The following CMTR1 variants were observed in gnomAD, a reference collection of about 807,000 sequenced individuals.
The protein encoded by CMTR1 is cap-specific mRNA (nucleoside-2'-O-)-methyltransferase 1.
In CMTR1, 39 loss-of-function variants were observed where a neutral mutation model predicts 107.0. The observed-to-expected ratio is 0.36, with a 90% confidence interval of 0.28 to 0.48. The LOEUF (loss-of-function observed/expected upper bound fraction) is 0.48, where lower values mean the gene tolerates loss of function less well. Among genes scored for constraint, CMTR1 ranks in the 20% least tolerant of loss-of-function variants. The pLI is 0.99. For missense variants in CMTR1, 672 were observed against 1,064.9 expected (o/e 0.63, Z 5.14); for synonymous variants, 366 against 379.5 (o/e 0.96, Z 0.41).
chr6:37,453,949 C>T (rs1761236830), intron 8 of CMTR1, among the ~76,000 whole-genome samples: 2 of 152,160 alleles, frequency 1.3e-5, no homozygotes, highest in African/African-American at 4.8e-5. Flanking sequence ...TCCTTCTCTG[C>T]CTCTCTGAAC....
At position 37,469,279 on chromosome 6, in the gene CMTR1, G is replaced by A. The variant is rs185274002; in HGVS notation, c.1506-1742G>A. 1.2e-4 allele frequency among the ~76,000 whole-genome samples: 18 copies of A among 152,028 alleles called. No individual in the cohort carries two copies. The East Asian group carries it at 2.9e-3, about 24-fold the overall frequency. ...GATTCCATGGTTCTCTGCTTCCCTT[G>A]TTTCTGATGAAAAGTCAGCCATTAT... On this transcript the variant is annotated intron_variant, in intron 13 of 23. Coordinates refer to ENST00000373451, the MANE Select transcript of CMTR1 (RefSeq NM_015050.3).
chr6:37,455,880 G>A (rs932062948), intron 8 of CMTR1, among the ~76,000 whole-genome samples: 21 of 152,182 alleles, frequency 1.4e-4, no homozygotes, highest in African/African-American at 4.8e-4. Flanking sequence ...AGAAATACCT[G>A]TATCAGTCCC....
chr6:37,437,516 C>CAA (rs35749564), intron 2 of CMTR1, among the ~76,000 whole-genome samples: 1,870 of 118,090 alleles, frequency 0.016, 62 homozygotes, highest in African/African-American at 0.04. Context: ...GAGTCCGTCT[C>CAA]AAAAAAAAAA....
At chr6:37,433,475 T>C (rs1162492044) in intron 1 of CMTR1, 98 bp downstream of exon 1, 8 of 152,260 alleles carry the variant, frequency 5.3e-5, no homozygotes, top group African/African-American at 1.7e-4. Flanking sequence ...CCGCCCGCGG[T>C]TATGGGTCTC....
chr6:37,467,928 G>T (rs1321234570), intron 13 of CMTR1, among the ~76,000 whole-genome samples: 1 of 151,900 alleles, frequency 6.6e-6, no homozygotes, highest in Non-Finnish European at 1.5e-5. Flanking sequence ...TTTAATTGGG[G>T]TGATTGGTGC....
chr6:37,480,904 C>T lies in CMTR1; in HGVS notation c.*759C>T, dbSNP rs1343612679. On this transcript the variant is annotated 3_prime_UTR_variant, in exon 24 of 24. Coordinates refer to ENST00000373451, the MANE Select transcript of CMTR1 (RefSeq NM_015050.3). ...CCCTTTTGGTCCAAACATTGGGCAG[C>T]GCTAGATGGCAGGAAGCAGCCTTGA... The T allele has an allele frequency of 2.9e-5, 35 of 1,212,602 alleles. No homozygotes were observed. Among genetic ancestry groups the T allele is most frequent in the East Asian group, 1.1e-4 (2 of 17,558 alleles). 75.1% of individuals were successfully genotyped at this position (1,212,602 alleles called of 1,614,324 possible). A position where few individuals can be genotyped will look rare whatever the true frequency, so the allele number is the denominator to read the frequency against.
In CMTR1 at chr6:37,450,238, C is replaced by T. The variant is rs977213976; in HGVS notation, c.445-13C>T. On this transcript the variant is annotated splice_polypyrimidine_tract_variant and intron_variant, in intron 4 of 23. Transcript: ENST00000373451. ...TGTCATATCTGTCTTACTAGCCTCT[C>T]TTTTGTTTGCAGCCCAGTGCTTGTG... 123 of 1,611,910 alleles carry T rather than the reference C, an allele frequency of 7.6e-5. No homozygotes were observed. Among genetic ancestry groups the T allele is most frequent in the Non-Finnish European group, 1.0e-4 (119 of 1,178,216 alleles).
chr6:37,442,817 G>T (rs928822094), intron 2 of CMTR1, among the ~76,000 whole-genome samples: 8 of 152,130 alleles, frequency 5.3e-5, no homozygotes, highest in Admixed American at 1.3e-4. Flanking sequence ...ACCACCTCGG[G>T]TCTATTAAAA....
At chr6:37,450,384 T>A (rs374094796) in intron 5 of CMTR1, 41 bp downstream of exon 5, 22 of 1,469,198 alleles carry the variant, frequency 1.5e-5, no homozygotes, top group Non-Finnish European at 1.5e-5. Flanking sequence ...CTTGGCATTC[T>A]CTTGACTTTT....
intron 6 of CMTR1, among the ~76,000 whole-genome samples, chr6:37,452,677 T>C (rs1761205862): frequency 6.6e-6 from 1 of 152,186 alleles, no homozygotes; most frequent in African/African-American, 2.4e-5. Context: ...AAGTGAGGTC[T>C]AGTCAGGTAA....
At position 37,458,833 on chromosome 6, in the gene CMTR1, T is replaced by C; in HGVS notation, c.976+23T>C. ...ATGGTAGGGACATTGAGGAGGGTAC[T>C]AGGAGGTATGAGGGACAGCCCCTCT... is the stretch of plus-strand genomic sequence containing the variant. On this transcript the variant is annotated intron_variant, in intron 9 of 23. Coordinates refer to ENST00000373451, the MANE Select transcript of CMTR1 (RefSeq NM_015050.3). This position sits in a 1 kb window ranked among gnomAD's most constrained non-coding sequence, Gnocchi z 4.7. 1 of 1,610,428 alleles carries C rather than the reference T, an allele frequency of 6.2e-7. No homozygotes were observed. Among genetic ancestry groups the C allele is most frequent in the Non-Finnish European group, 8.5e-7 (1 of 1,177,472 alleles).
Position 37,472,300 on chromosome 6 carries a change from T to G in CMTR1, c.1621-119T>G. The G allele has an allele frequency of 2.3e-6, 2 of 871,396 alleles. No individual in the cohort carries two copies. The highest frequency in any genetic ancestry group is 3.9e-6 in the Non-Finnish European group (2 of 519,266). The allele number at this position is 871,396 out of a possible 1,614,324, so 54.0% of individuals were successfully genotyped here. Reference sequence around the variant, plus strand: ...TCCATCCCTGTCAGCCTAGCCTCCTTTGTTGTGTGCCATTCCTCCTCCCCA... The same window carrying G: ...TCCATCCCTGTCAGCCTAGCCTCCTGTGTTGTGTGCCATTCCTCCTCCCCA... On this transcript the variant is annotated intron_variant, in intron 15 of 23. Transcript: ENST00000373451. This position sits in a 1 kb window ranked among gnomAD's most constrained non-coding sequence, Gnocchi z 4.1.
intron 8 of CMTR1, among the ~76,000 whole-genome samples, chr6:37,455,639 GT>G (rs368304537): frequency 5.9e-5 from 9 of 152,206 alleles, no homozygotes; most frequent in African/African-American, 2.2e-4. Flanking sequence ...AGATCTCTAA[GT>G]TTCAGTCCTA....
chr6:37,456,097 G>A (rs9470595), intron 8 of CMTR1, among the ~76,000 whole-genome samples: 1 of 152,106 alleles, frequency 6.6e-6, no homozygotes, highest in Non-Finnish European at 1.5e-5. Flanking sequence ...TGTTCGCATC[G>A]ATCATTCCGC....
intron 13 of CMTR1, among the ~76,000 whole-genome samples, chr6:37,470,549 G>T (rs1761603485): frequency 1.3e-5 from 2 of 152,154 alleles, no homozygotes; most frequent in African/African-American, 4.8e-5. Flanking sequence ...GTCTTGTTCT[G>T]TTGGCCTGTT....
At chr6:37,430,084 A>T (rs886076184), upstream of CMTR1, among the ~76,000 whole-genome samples, 1 of 152,210 alleles carries the variant, frequency 6.6e-6, no homozygotes, top group African/African-American at 2.4e-5. Context: ...CTATATTCGC[A>T]TTGTTGTGCA....
At chr6:37,468,406 A>G (rs1334094890) in intron 13 of CMTR1, among the ~76,000 whole-genome samples, 1 of 152,186 alleles carries the variant, frequency 6.6e-6, no homozygotes, top group Non-Finnish European at 1.5e-5. Context: ...GCACATATAT[A>G]TCTAATTTTT....
intron 8 of CMTR1, among the ~76,000 whole-genome samples, chr6:37,457,619 GGT>G (rs2113877393): frequency 6.6e-6 from 1 of 152,288 alleles, no homozygotes; most frequent in East Asian, 1.9e-4. Flanking sequence ...CATGGTGTAA[GGT>G]GTTAACAAAA....
intron 2 of CMTR1, among the ~76,000 whole-genome samples, chr6:37,440,331 T>G (rs1771643084): frequency 6.6e-6 from 1 of 152,230 alleles, no homozygotes; most frequent in Middle Eastern, 3.2e-3. Flanking sequence ...GTTTAGTTCC[T>G]GCTGCAGCCG....
Sources: allele counts gnomAD v4.1 joint callset (sites outside exome capture counted in the v4.1 genomes callset), GRCh38; gene constraint gnomAD v4.1.1; non-coding constraint Gnocchi (gnomAD v3.1); transcripts MANE v1.5; gene names NCBI Gene and HGNC (gene_info 2026-07-23, HGNC 2026-07-21).